Variants in LACTBL1 observed in about 807,000 individuals in gnomAD.
The protein encoded by LACTBL1 is beta-lactamase-like protein 1.
In LACTBL1, 29 loss-of-function variants were observed where a neutral mutation model predicts 39.6. The ratio of observed to expected loss-of-function variants is 0.73; its 90% CI spans 0.55 to 1.00. The LOEUF (loss-of-function observed/expected upper bound fraction) is 1.00. Ranked by LOEUF, LACTBL1 falls within the 50% of genes least tolerant of loss-of-function variation. The pLI is 0.00. For missense variants in LACTBL1, 711 were observed against 748.5 expected, an observed-to-expected ratio of 0.95 and a Z score of 0.59; for synonymous variants, 361 against 360.7, an observed-to-expected ratio of 1.00 and a Z score of -0.01.
chr1:22,965,989 G>A (rs190391009), upstream of LACTBL1, among the ~76,000 whole-genome samples: 3 of 152,170 alleles, frequency 2.0e-5, no homozygotes, highest in Non-Finnish European at 2.9e-5. Flanking sequence ...TTTTTGTGGG[G>A]GTGATGAAAA....
In LACTBL1 at chr1:22,957,640, CTTTTTTTTTTTT is replaced by C. The variant is rs34603019; in HGVS notation, c.553+1033_553+1044del. 5.6e-4 allele frequency among the ~76,000 whole-genome samples: 32 copies of C among 56,684 alleles called. No homozygotes were observed. The South Asian group carries it at 0.026, about 45-fold the overall frequency. 37.2% of individuals were successfully genotyped at this position (56,684 alleles called of 152,430 possible). ...GCACCTTTTAATATTTCTTAATATTCTTTTTTTTTTTTTTTTTTTTTTTTTTTGAGACAGAGT... is the reference window on the plus strand; with the variant it reads ...GCACCTTTTAATATTTCTTAATATTCTTTTTTTTTTTTTTTGAGACAGAGT... On this transcript the variant is annotated intron_variant, in intron 4 of 5. Coordinates refer to ENST00000426928, the Ensembl canonical transcript of LACTBL1.
At chr1:22,969,331 A>G (rs1640914743), upstream of LACTBL1, among the ~76,000 whole-genome samples, 1 of 152,192 alleles carries the variant, frequency 6.6e-6, no homozygotes, top group Non-Finnish European at 1.5e-5. Context: ...ACTATTTATT[A>G]AATACACCAA....
intron 4 of LACTBL1, 29 bp from the exon 7 acceptor site, chr1:22,955,455 G>C: frequency 6.7e-7 from 1 of 1,489,880 alleles, no homozygotes; most frequent in Non-Finnish European, 9.1e-7. Flanking sequence ...CAGACTTACC[G>C]GGCCCGGCTG....
intron 2 of LACTBL1, among the ~76,000 whole-genome samples, chr1:22,962,801 AC>A (rs986617232): frequency 4.0e-5 from 6 of 151,856 alleles, no homozygotes; most frequent in African/African-American, 1.5e-4. Context: ...GGAGGAACTG[AC>A]CCTAAGGCCT....
intron 1 of LACTBL1, among the ~76,000 whole-genome samples, chr1:22,964,239 A>G (rs985997484): frequency 2.6e-5 from 4 of 152,196 alleles, no homozygotes; most frequent in African/African-American, 7.2e-5. Context: ...GCTCAGCCAT[A>G]AGACCATAAA....
chr1:22,957,425 G>T (rs7554271), intron 4 of LACTBL1, among the ~76,000 whole-genome samples: 74,689 of 151,880 alleles, frequency 0.49, 22,543 homozygotes, highest in Non-Finnish European at 0.68. Flanking sequence ...GTTTTAAATT[G>T]TGATATTACC....
chr1:22,970,786 G>A, the LACTBL1 span, among the ~76,000 whole-genome samples: 2 of 149,382 alleles, frequency 1.3e-5, 1 homozygote. Flanking sequence ...CTCCAGCCTG[G>A]GCAACAGCGC....
intron 4 of LACTBL1, among the ~76,000 whole-genome samples, chr1:22,958,179 G>A (rs1295543789): frequency 6.6e-6 from 1 of 152,008 alleles, no homozygotes. Flanking sequence ...TTCAACTCCT[G>A]GGCTCAAGTG....
upstream of LACTBL1, among the ~76,000 whole-genome samples, chr1:22,966,708 G>A (rs1315390867): frequency 5.3e-5 from 8 of 152,064 alleles, no homozygotes; most frequent in East Asian, 5.8e-4. Context: ...TGCCTTCCGA[G>A]CATTTCCACC....
chr1:22,959,869 C>A (rs1640801614), intron 3 of LACTBL1, 73 bp downstream of exon 5: 3 of 1,504,526 alleles, frequency 2.0e-6, no homozygotes, highest in East Asian at 2.5e-5. Context: ...TCTTCAGTAT[C>A]CTTACCTCCT....
chr1:22,955,482 C>T, intron 4 of LACTBL1, 56 bp from the exon 7 acceptor site: 1 of 1,154,860 alleles, frequency 8.7e-7, no homozygotes, highest in South Asian at 1.3e-5. Flanking sequence ...GGATGGTGGG[C>T]CCCTGGGTGC....
chr1:22,953,574 G>A, exon 6 of LACTBL1: 1 of 1,251,018 alleles, frequency 8.0e-7, no homozygotes, highest in Non-Finnish European at 1.0e-6. Flanking sequence ...AGAAGGTGGC[G>A]GCGTAGCCGT....
chr1:22,957,795 C>T (rs907759791), intron 4 of LACTBL1, among the ~76,000 whole-genome samples: 2 of 151,804 alleles, frequency 1.3e-5, no homozygotes, highest in Non-Finnish European at 2.9e-5. Context: ...GGATTACAGG[C>T]GCAAGCCACC....
At chr1:22,955,925 G>A (rs545395997) in intron 4 of LACTBL1, among the ~76,000 whole-genome samples, 2 of 152,096 alleles carry the variant, frequency 1.3e-5, no homozygotes, top group East Asian at 3.9e-4. Context: ...TTAGCTGGAC[G>A]TCTTGGCATG....
rs150805062 is a variant in LACTBL1, at chr1:22,955,684, G to A, written c.554-258C>T. ...AGGGAAATAATCCTTGTACCCAAGG[G>A]CTGATTAGATTAGATTGGATAAAAT... On this transcript the variant is annotated intron_variant, in intron 4 of 5. Transcript: ENST00000426928. Among the ~76,000 whole-genome samples the A allele has an allele frequency of 7.9e-5, 12 of 152,260 alleles. No individual in the cohort carries two copies. The East Asian group carries it at 2.3e-3, about 29-fold the overall frequency.
At chr1:22,968,329 G>A (rs1018074933), upstream of LACTBL1, among the ~76,000 whole-genome samples, 2 of 152,074 alleles carry the variant, frequency 1.3e-5, no homozygotes, top group African/African-American at 2.4e-5. Flanking sequence ...GAAATTTCTG[G>A]GTAGCAAGGT....
chr1:22,958,671 GT>G lies in LACTBL1; in HGVS notation c.553+13del. ...AAATGGTTTGGGTCAGCCTGAGTCA[GT>G]TCTGAGACTCACCTGAGAGCTGGCT... On this transcript the variant is annotated intron_variant, in intron 4 of 5. Transcript: ENST00000426928. 6.5e-7 allele frequency: 1 copy of G among 1,532,684 alleles called. No individual in the cohort carries two copies. The highest frequency in any genetic ancestry group is 1.2e-5 in the South Asian group (1 of 81,274). The allele number at this position is 1,532,684 out of a possible 1,614,324, so 94.9% of individuals were successfully genotyped here. A position where few individuals can be genotyped will look rare whatever the true frequency, so the allele number is the denominator to read the frequency against.
At chr1:22,962,767 G>A (rs1640838306) in intron 2 of LACTBL1, among the ~76,000 whole-genome samples, 1 of 152,032 alleles carries the variant, frequency 6.6e-6, no homozygotes, top group African/African-American at 2.4e-5. Context: ...TCACATCTCA[G>A]CCTAGACACC....
At chr1:22,955,264 G>T in intron 5 of LACTBL1, 57 bp downstream of exon 7, 1 of 1,364,522 alleles carries the variant, frequency 7.3e-7, no homozygotes, top group Non-Finnish European at 1.0e-6. Flanking sequence ...TGCCAGGCAG[G>T]TGTGTCTCCC....
Sources: gnomAD v4.1 joint callset for allele counts (sites outside exome capture counted in the v4.1 genomes callset) on GRCh38, gnomAD v4.1.1 for gene constraint, MANE v1.5 for transcripts, NCBI Gene and HGNC (gene_info 2026-07-23, HGNC 2026-07-21) for gene names.